KCNAB1: variants seen among roughly 807,000 people sequenced by gnomAD.
KCNAB1 encodes the protein potassium voltage-gated channel subfamily A regulatory beta subunit 1, also known as voltage-gated potassium channel subunit beta-1.
A neutral mutation model predicts 64.6 loss-of-function variants in KCNAB1; 35 were observed. The observed-to-expected ratio is 0.54, with a 90% CI of 0.41 to 0.72. KCNAB1 has a LOEUF of 0.72. Ranked by LOEUF, KCNAB1 falls within the 30% of genes least tolerant of loss-of-function variation. The probability of loss-of-function intolerance (pLI) is 0.00; values close to 1 mark genes in which losing one functional copy is unlikely to be tolerated. For synonymous variants in KCNAB1, 177 were observed against 183.8 expected (o/e 0.96, Z 0.30); for missense variants, 401 against 512.9 (o/e 0.78, Z 2.11).
intron 1 of KCNAB1, among the ~76,000 whole-genome samples, chr3:156,350,795 A>G (rs1460194527): frequency 6.6e-6 from 1 of 152,258 alleles, no homozygotes; most frequent in African/African-American, 2.4e-5. Flanking sequence ...CAGAGATCCT[A>G]TATCACAAAA....
chr3:156,228,267 T>G (rs1716304307), intron 1 of KCNAB1, among the ~76,000 whole-genome samples: 1 of 152,104 alleles, frequency 6.6e-6, no homozygotes, highest in Admixed American at 6.6e-5. Context: ...AAGAAGCAAG[T>G]GCTGGTTAGG....
chr3:156,388,222 C>G (rs1712760807), intron 1 of KCNAB1, among the ~76,000 whole-genome samples: 2 of 152,306 alleles, frequency 1.3e-5, no homozygotes, highest in South Asian at 4.1e-4. Flanking sequence ...GAAGTAGAAC[C>G]TTGTATCTGG....
chr3:156,423,999 G>C (rs1308747283), intron 2 of KCNAB1, among the ~76,000 whole-genome samples: 2 of 152,192 alleles, frequency 1.3e-5, no homozygotes, highest in African/African-American at 4.8e-5. Context: ...TTACAGAGGG[G>C]TTCAGTTATT....
intron 8 of KCNAB1, among the ~76,000 whole-genome samples, chr3:156,502,532 C>CCACA (rs60469602): frequency 0.028 from 4,067 of 142,826 alleles, 165 homozygotes; most frequent in African/African-American, 0.086. Context: ...TACCTTACAA[C>CCACA]CACACACACA....
At chr3:156,240,650 C>T (rs1717113673) in intron 1 of KCNAB1, among the ~76,000 whole-genome samples, 1 of 152,214 alleles carries the variant, frequency 6.6e-6, no homozygotes, top group South Asian at 2.1e-4. Context: ...ATCCTATCCG[C>T]TTCTCCTCAC....
chr3:156,198,913 A>ATTTTTTTTTTTTTTTTT (rs71138701), intron 1 of KCNAB1, among the ~76,000 whole-genome samples: 1 of 21,294 alleles, frequency 4.7e-5, no homozygotes, highest in Non-Finnish European at 9.0e-5. Context: ...TTATATTTTG[A>ATTTTTTTTTTTTTTTTT]TTTTTTTTTT....
chr3:156,467,328 A>C (rs1183223447), intron 7 of KCNAB1, among the ~76,000 whole-genome samples: 3 of 151,994 alleles, frequency 2.0e-5, no homozygotes, highest in African/African-American at 7.2e-5. Flanking sequence ...TCTGTATTTC[A>C]AAAAAAATCC....
chr3:156,291,623 G>A, intron 1 of KCNAB1: 2 of 1,315,304 alleles, frequency 1.5e-6, no homozygotes, highest in African/African-American at 1.5e-5. Context: ...ATTACAGCCC[G>A]GGAAGATTTG....
chr3:156,538,081 C>G lies in KCNAB1; in HGVS notation c.*1334C>G, dbSNP rs895087727. The G allele has an allele frequency of 6.6e-6, 1 of 152,026 alleles. No individual in the cohort carries two copies. Among genetic ancestry groups the G allele is most frequent in the Non-Finnish European group, 1.5e-5 (1 of 68,016 alleles). 9.4% of individuals were successfully genotyped at this position (152,026 alleles called of 1,614,324 possible). A position where few individuals can be genotyped will look rare whatever the true frequency, so the allele number is the denominator to read the frequency against. ...ATTGGCTACTTACCCTCATTAATATCCCACTTGAGAAAAATTGTGAGACTA... is the reference window on the plus strand; with the variant it reads ...ATTGGCTACTTACCCTCATTAATATGCCACTTGAGAAAAATTGTGAGACTA... On this transcript the variant is annotated 3_prime_UTR_variant, in exon 14 of 14. Transcript: ENST00000490337.
intron 1 of KCNAB1, among the ~76,000 whole-genome samples, chr3:156,286,593 T>A (rs957638622): frequency 3.3e-5 from 5 of 152,142 alleles, no homozygotes; most frequent in Admixed American, 2.6e-4. Context: ...AGGAAAAAAA[T>A]TTTTTTAAGC....
At chr3:156,129,820 C>A (rs368384095) in intron 1 of KCNAB1, among the ~76,000 whole-genome samples, 1 of 152,188 alleles carries the variant, frequency 6.6e-6, no homozygotes, top group African/African-American at 2.4e-5. Context: ...GAAAATTCTC[C>A]AAGCCTTAGC....
chr3:156,264,963 T>A (rs1481212753), intron 1 of KCNAB1, among the ~76,000 whole-genome samples: 1 of 152,230 alleles, frequency 6.6e-6, no homozygotes, highest in Non-Finnish European at 1.5e-5. Flanking sequence ...TTCCAGGCTT[T>A]CTTTTTAATG....
chr3:156,195,101 C>A (rs1008294268), intron 1 of KCNAB1, among the ~76,000 whole-genome samples: 7 of 152,270 alleles, frequency 4.6e-5, no homozygotes, highest in East Asian at 3.9e-4. Flanking sequence ...CATGTCCCTG[C>A]AAAAGATATG....
chr3:156,188,605 G>A (rs866827973), intron 1 of KCNAB1, among the ~76,000 whole-genome samples: 3 of 152,190 alleles, frequency 2.0e-5, no homozygotes, highest in South Asian at 2.1e-4. Context: ...GTTAGCATAC[G>A]CTTTCAGACT....
At chr3:156,124,357 C>T (rs893319609) in intron 1 of KCNAB1, among the ~76,000 whole-genome samples, 20 of 151,964 alleles carry the variant, frequency 1.3e-4, no homozygotes, top group South Asian at 6.2e-4. Flanking sequence ...GCTAGGATTA[C>T]AGGTGGGTGC....
At chr3:156,386,567 A>G (rs576289468) in intron 1 of KCNAB1, among the ~76,000 whole-genome samples, 3 of 152,342 alleles carry the variant, frequency 2.0e-5, no homozygotes, top group African/African-American at 7.2e-5. Flanking sequence ...TCACTTTTAG[A>G]GAGGCAATGT....
chr3:156,424,717 T>C (rs934271536), intron 2 of KCNAB1, among the ~76,000 whole-genome samples: 3 of 152,198 alleles, frequency 2.0e-5, no homozygotes, highest in African/African-American at 4.8e-5. Context: ...CAGGTGCCCA[T>C]GCAATCCCAG....
At chr3:156,354,570 A>G (rs527331592) in intron 1 of KCNAB1, among the ~76,000 whole-genome samples, 111 of 152,208 alleles carry the variant, frequency 7.3e-4, no homozygotes, top group African/African-American at 2.5e-3. Context: ...TATGTGAGGA[A>G]ACTTCCATAG....
intron 1 of KCNAB1, among the ~76,000 whole-genome samples, chr3:156,362,604 T>A (rs1725683715): frequency 6.6e-6 from 1 of 152,186 alleles, no homozygotes; most frequent in South Asian, 2.1e-4. Flanking sequence ...TGAGGATGAA[T>A]TGAGTAAATA....
Sources: allele counts gnomAD v4.1 joint callset (sites outside exome capture counted in the v4.1 genomes callset), GRCh38; gene constraint gnomAD v4.1.1; transcripts MANE v1.5; gene names NCBI Gene and HGNC (gene_info 2026-07-23, HGNC 2026-07-21).